Variants in ITGA9 observed in about 807,000 individuals in gnomAD.
The protein encoded by ITGA9 is integrin subunit alpha 9.
Under a neutral mutation model 127.8 loss-of-function variants are expected in ITGA9, and 56 were observed. The ratio of observed to expected loss-of-function variants is 0.44; its 90% CI spans 0.35 to 0.55. The LOEUF is 0.55. Ranked by LOEUF, ITGA9 falls within the 20% of genes least tolerant of loss-of-function variation. ITGA9 has a pLI of 0.00. For synonymous variants in ITGA9, 508 were observed against 514.5 expected (o/e 0.99, Z 0.17); for missense variants, 1,196 against 1,347.1 (o/e 0.89, Z 1.76).
chr3:37,653,622 A>G, intron 16 of ITGA9, 92 bp from the exon 17 acceptor site: 1 of 947,180 alleles, frequency 1.1e-6, no homozygotes, highest in Non-Finnish European at 1.7e-6. Flanking sequence ...CAGGGGAGGA[A>G]TTCCCACTGA....
intron 26 of ITGA9, among the ~76,000 whole-genome samples, chr3:37,789,408 G>C (rs371459069): frequency 2.8e-4 from 42 of 152,152 alleles, no homozygotes; most frequent in African/African-American, 1.0e-3. Context: ...CAAATTAAAA[G>C]AAAACAAAAT....
chr3:37,818,075 G>A (rs973804149), intron 27 of ITGA9, among the ~76,000 whole-genome samples: 4 of 151,138 alleles, frequency 2.6e-5, no homozygotes, highest in South Asian at 2.1e-4. Flanking sequence ...GATCTCTCAA[G>A]ATACTAGGTT....
At chr3:37,658,413 T>G (rs1700498999) in intron 17 of ITGA9, among the ~76,000 whole-genome samples, 1 of 152,226 alleles carries the variant, frequency 6.6e-6, no homozygotes, top group Admixed American at 6.5e-5. Flanking sequence ...CTCTTCTTGT[T>G]GCATGATCCC....
chr3:37,620,529 C>G lies in ITGA9; in HGVS notation c.1690-8658C>G, dbSNP rs895818379. ...AAGCATGCAAGGTTGATTCTGTCATCCCATTTTACATCTGAGAAAACAAGC... is the reference window on the plus strand; with the variant it reads ...AAGCATGCAAGGTTGATTCTGTCATGCCATTTTACATCTGAGAAAACAAGC... On this transcript the variant is annotated intron_variant, in intron 15 of 27. Coordinates refer to ENST00000264741, the MANE Select transcript of ITGA9 (RefSeq NM_002207.3). Among the ~76,000 whole-genome samples, 4 of 152,148 alleles carry G rather than the reference C, an allele frequency of 2.6e-5. No homozygotes were observed. In the East Asian group the frequency reaches 7.7e-4, roughly 29 times the overall value.
chr3:37,720,875 C>T (rs78068445), intron 18 of ITGA9, among the ~76,000 whole-genome samples: 3 of 152,262 alleles, frequency 2.0e-5, no homozygotes, highest in East Asian at 1.9e-4. Flanking sequence ...ACGTTAGGAA[C>T]GAGACAGCTT....
chr3:37,553,431 G>A (rs1699397687), intron 15 of ITGA9, among the ~76,000 whole-genome samples: 1 of 152,194 alleles, frequency 6.6e-6, no homozygotes, highest in Non-Finnish European at 1.5e-5. Context: ...GCTCCTTCAT[G>A]TCCTTGACAT....
At position 37,518,093 on chromosome 3, in the gene ITGA9, C is replaced by CGCGTGTGTGTGTGTGTGT. The variant is rs368577036; in HGVS notation, c.1141+485_1141+486insCGTGTGTGTGTGTGTGTG. Among the ~76,000 whole-genome samples the CGCGTGTGTGTGTGTGTGT allele has an allele frequency of 2.8e-3, 403 of 144,212 alleles. 6 individuals are homozygous for CGCGTGTGTGTGTGTGTGT. The highest frequency in any genetic ancestry group is 4.1e-3 in the Non-Finnish European group (274 of 66,098). 94.6% of individuals were successfully genotyped at this position (144,212 alleles called of 152,430 possible). A position where few individuals can be genotyped will look rare whatever the true frequency, so the allele number is the denominator to read the frequency against. ...CTAGATTGACTTTTGAGAGTGTACG[C>CGCGTGTGTGTGTGTGTGT]GTGTGTGTGTGTGTGTGTGTGTGTG... On this transcript the variant is annotated intron_variant, in intron 10 of 27. Coordinates refer to ENST00000264741, the MANE Select transcript of ITGA9 (RefSeq NM_002207.3).
At chr3:37,617,808 C>T (rs1468783262) in intron 15 of ITGA9, among the ~76,000 whole-genome samples, 7 of 152,196 alleles carry the variant, frequency 4.6e-5, no homozygotes, top group Admixed American at 2.0e-4. Context: ...TGGTTTTCAG[C>T]TCCATCAGGT....
chr3:37,772,018 G>A (rs73825417), intron 23 of ITGA9, among the ~76,000 whole-genome samples: 85 of 152,262 alleles, frequency 5.6e-4, no homozygotes, highest in African/African-American at 2.0e-3. Context: ...GCTGTGTGAC[G>A]TGTGTCCCAG....
intron 24 of ITGA9, among the ~76,000 whole-genome samples, chr3:37,779,345 C>T (rs945322525): frequency 6.6e-6 from 1 of 152,048 alleles, no homozygotes; most frequent in Non-Finnish European, 1.5e-5. Flanking sequence ...TCTCAGGTGA[C>T]CCCCCTACCT....
Position 37,551,767 on chromosome 3 carries a change from C to T in ITGA9, c.1689+9182C>T, listed in dbSNP as rs1189144134. Among the ~76,000 whole-genome samples the T allele has an allele frequency of 2.0e-5, 3 of 152,348 alleles. No homozygotes were observed. The East Asian group carries it at 5.8e-4, about 29-fold the overall frequency. On this transcript the variant is annotated intron_variant, in intron 15 of 27. Coordinates refer to ENST00000264741, the MANE Select transcript of ITGA9 (RefSeq NM_002207.3). ...CCCAAAGAGCTGCCTCGCCAGACCT[C>T]CCCACCTCCCGGACATACAGACTCC...
At chr3:37,722,198 C>T (rs995082271) in intron 18 of ITGA9, among the ~76,000 whole-genome samples, 1 of 152,170 alleles carries the variant, frequency 6.6e-6, no homozygotes, top group Admixed American at 6.5e-5. Context: ...CAGGTCTCAG[C>T]TAAATGGTAC....
At chr3:37,666,010 G>A (rs1157296029) in intron 17 of ITGA9, among the ~76,000 whole-genome samples, 2 of 152,208 alleles carry the variant, frequency 1.3e-5, no homozygotes, top group South Asian at 2.1e-4. Context: ...GTGTTCATTC[G>A]TTTGACAAAT....
intron 23 of ITGA9, among the ~76,000 whole-genome samples, chr3:37,756,890 G>A (rs1696658482): frequency 2.0e-5 from 3 of 151,964 alleles, no homozygotes; most frequent in Admixed American, 2.0e-4. Flanking sequence ...AAATCCACTT[G>A]GGAAATTTTA....
In ITGA9 at chr3:37,628,344, G is replaced by A. The variant is rs1420869892; in HGVS notation, c.1690-843G>A. The stretch of plus-strand genomic sequence containing the variant: ...TCCTGCGTCTAACTCTAACTTGTGA[G>A]ATTGTGGGGGCCAGAGTCCCCAGGA... On this transcript the variant is annotated intron_variant, in intron 15 of 27. Transcript: ENST00000264741. 3.3e-5 allele frequency among the ~76,000 whole-genome samples: 5 copies of A among 152,198 alleles called. No individual in the cohort carries two copies. The East Asian group carries it at 9.6e-4, about 29-fold the overall frequency.
At chr3:37,686,892 A>C (rs13433721) in intron 18 of ITGA9, among the ~76,000 whole-genome samples, 11,334 of 152,094 alleles carry the variant, frequency 0.075, 1,272 homozygotes, top group African/African-American at 0.25. Flanking sequence ...ATCACCCAGC[A>C]CCGGGTAGGA....
In ITGA9 at chr3:37,819,317, T is replaced by G. The variant is rs1697483073; in HGVS notation, c.*328T>G. On this transcript the variant is annotated 3_prime_UTR_variant, in exon 28 of 28. Coordinates refer to ENST00000264741, the MANE Select transcript of ITGA9 (RefSeq NM_002207.3). ...AAGTATTTTTATAAATATAAGCCTT[T>G]TATACTGATTATGTCTTTTATATTT... 1 of 326,998 alleles carries G rather than the reference T, an allele frequency of 3.1e-6. No individual in the cohort carries two copies. Among genetic ancestry groups the G allele is most frequent in the Admixed American group, 4.5e-5 (1 of 22,172 alleles). The allele number at this position is 326,998 out of a possible 1,614,324, so 20.3% of individuals were successfully genotyped here. A position where few individuals can be genotyped will look rare whatever the true frequency, so the allele number is the denominator to read the frequency against.
chr3:37,680,011 A>T (rs371459946), intron 17 of ITGA9, among the ~76,000 whole-genome samples: 1 of 152,178 alleles, frequency 6.6e-6, no homozygotes, highest in Non-Finnish European at 1.5e-5. Context: ...TCACCTAGGC[A>T]GGGAGATCAG....
intron 15 of ITGA9, among the ~76,000 whole-genome samples, chr3:37,566,908 T>C (rs1228740020): frequency 6.6e-6 from 1 of 152,234 alleles, no homozygotes; most frequent in East Asian, 1.9e-4. Flanking sequence ...AGTTTGTGGC[T>C]GACATTGATT....
Sources: gnomAD v4.1 joint callset for allele counts (sites outside exome capture counted in the v4.1 genomes callset) on GRCh38, gnomAD v4.1.1 for gene constraint, MANE v1.5 for transcripts, NCBI Gene and HGNC (gene_info 2026-07-23, HGNC 2026-07-21) for gene names.